Variants in TAFA1 observed in about 807,000 individuals in gnomAD.
The protein encoded by TAFA1 is TAFA chemokine like family member 1.
Under a neutral mutation model 18.5 loss-of-function variants are expected in TAFA1, and 4 were observed. That is an observed-to-expected ratio of 0.22 (90% confidence interval 0.11 to 0.49). The LOEUF is 0.49. TAFA1 is among the 20% of genes least tolerant of loss of function. The probability of loss-of-function intolerance (pLI) is 0.98; values close to 1 mark genes in which losing one functional copy is unlikely to be tolerated. For synonymous variants in TAFA1, 56 were observed against 55.2 expected (o/e 1.01, Z -0.06); for missense variants, 147 against 169.0 (o/e 0.87, Z 0.72).
chr3:68,437,564 G>T (rs553223934), intron 3 of TAFA1, among the ~76,000 whole-genome samples: 1 of 151,990 alleles, frequency 6.6e-6, no homozygotes, highest in Admixed American at 6.6e-5. Flanking sequence ...GCAAGGGGAC[G>T]GAATATGCCA....
intron 2 of TAFA1, among the ~76,000 whole-genome samples, chr3:68,098,592 A>T (rs2065113791): frequency 6.6e-6 from 1 of 152,050 alleles, no homozygotes; most frequent in African/African-American, 2.4e-5. Context: ...GAGGAGCAAA[A>T]GATAGGGTGG....
At chr3:68,074,472 G>T (rs560350174) in intron 2 of TAFA1, among the ~76,000 whole-genome samples, 94 of 152,110 alleles carry the variant, frequency 6.2e-4, no homozygotes, top group African/African-American at 2.0e-3. Context: ...CTATGACCTT[G>T]GGCAAATATT....
intron 2 of TAFA1, among the ~76,000 whole-genome samples, chr3:68,252,682 A>G (rs529700143): frequency 1.3e-5 from 2 of 152,184 alleles, no homozygotes; most frequent in Non-Finnish European, 1.5e-5. Context: ...CTGGGTACCA[A>G]TTCTGGCTCT....
intron 2 of TAFA1, among the ~76,000 whole-genome samples, chr3:68,382,601 A>G: frequency 6.6e-6 from 1 of 152,070 alleles, no homozygotes; most frequent in East Asian, 1.9e-4. Flanking sequence ...TAGTAGTACC[A>G]TGCTGTTTTG....
At chr3:68,083,257 C>A (rs901215806) in intron 2 of TAFA1, among the ~76,000 whole-genome samples, 4 of 152,182 alleles carry the variant, frequency 2.6e-5, no homozygotes, top group African/African-American at 9.7e-5. Context: ...ATCATCTGCA[C>A]CAAACCTTCA....
intron 2 of TAFA1, among the ~76,000 whole-genome samples, chr3:68,069,065 C>A (rs1202428045): frequency 1.3e-5 from 2 of 152,176 alleles, no homozygotes; most frequent in African/African-American, 2.4e-5. Flanking sequence ...GTTTTTAATA[C>A]ATATGCTGGA....
intron 3 of TAFA1, among the ~76,000 whole-genome samples, chr3:68,523,082 AT>A (rs67815959): frequency 0.49 from 74,109 of 149,866 alleles, 18,627 homozygotes; most frequent in Admixed American, 0.56. Context: ...GTCTCAAAAA[AT>A]AAATAAATAA....
intron 2 of TAFA1, among the ~76,000 whole-genome samples, chr3:68,180,012 T>TTTTTTATTATTATTATTATTA (rs1553649124): frequency 1.6e-4 from 22 of 140,318 alleles, no homozygotes; most frequent in African/African-American, 4.5e-4. Context: ...AACACATAAT[T>TTTTTTATTATTATTATTATTA]TTATTATTAT....
chr3:68,079,771 GA>G (rs1346759572), intron 2 of TAFA1, among the ~76,000 whole-genome samples: 2 of 152,062 alleles, frequency 1.3e-5, no homozygotes, highest in African/African-American at 2.4e-5. Context: ...GTGTGGTGCT[GA>G]AAAAAATGTA....
intron 2 of TAFA1, among the ~76,000 whole-genome samples, chr3:68,336,773 G>A (rs978677482): frequency 2.6e-5 from 4 of 152,112 alleles, no homozygotes; most frequent in African/African-American, 9.7e-5. Context: ...CACCAGGCTG[G>A]AGTGCTGTGG....
At chr3:68,434,918 C>A (rs1330562383) in intron 3 of TAFA1, among the ~76,000 whole-genome samples, 1 of 152,086 alleles carries the variant, frequency 6.6e-6, no homozygotes, top group Non-Finnish European at 1.5e-5. Flanking sequence ...ATTCATTCTG[C>A]AAATACTTAC....
At chr3:68,164,138 A>G (rs1422946715) in intron 2 of TAFA1, among the ~76,000 whole-genome samples, 1 of 152,124 alleles carries the variant, frequency 6.6e-6, no homozygotes, top group East Asian at 1.9e-4. Context: ...ATAATATCCC[A>G]TTGCCATTCT....
At chr3:68,266,698 A>C (rs1216151772) in intron 2 of TAFA1, among the ~76,000 whole-genome samples, 1 of 152,148 alleles carries the variant, frequency 6.6e-6, no homozygotes, top group Non-Finnish European at 1.5e-5. Flanking sequence ...AGAGCAGAGG[A>C]AGACACAGTT....
intron 2 of TAFA1, among the ~76,000 whole-genome samples, chr3:68,416,197 C>A (rs7637460): frequency 0.015 from 2,267 of 152,254 alleles, 66 homozygotes; most frequent in South Asian, 0.048. Flanking sequence ...TCTCAGAGGA[C>A]AGGATGAAAG....
intron 2 of TAFA1, among the ~76,000 whole-genome samples, chr3:68,097,680 G>A (rs991802784): frequency 6.6e-6 from 1 of 152,080 alleles, no homozygotes; most frequent in African/African-American, 2.4e-5. Flanking sequence ...TGTCTATCTT[G>A]TTCACTGCTA....
the TAFA1 span, among the ~76,000 whole-genome samples, chr3:67,995,605 A>G: frequency 6.6e-6 from 1 of 152,174 alleles, no homozygotes; most frequent in African/African-American, 2.4e-5. Context: ...TCTCCATTAC[A>G]CTATGACAAA....
intron 2 of TAFA1, among the ~76,000 whole-genome samples, chr3:68,382,758 T>C (rs1007081585): frequency 1.3e-5 from 2 of 152,146 alleles, no homozygotes; most frequent in African/African-American, 4.8e-5. Context: ...TCATTGGTAG[T>C]TTAATAGAAA....
Position 68,270,946 on chromosome 3 carries a change from T to C in TAFA1, c.119-146334T>C, listed in dbSNP as rs956654176. On this transcript the variant is annotated intron_variant, in intron 2 of 4. Transcript: ENST00000478136. The stretch of plus-strand genomic sequence containing the variant: ...TCCATTGAAGACTTCTTAAAAACAT[T>C]GATTTTCCGTCCATGTTAATCAAGA... Among the ~76,000 whole-genome samples the C allele has an allele frequency of 2.0e-5, 3 of 152,294 alleles. No homozygotes were observed. In the East Asian group the frequency reaches 5.8e-4, roughly 29 times the overall value.
chr3:68,274,662 G>T (rs1233571967), intron 2 of TAFA1, among the ~76,000 whole-genome samples: 2 of 152,164 alleles, frequency 1.3e-5, no homozygotes, highest in African/African-American at 4.8e-5. Context: ...AAATCATCAA[G>T]ATTTCACAAA....
Sources: gnomAD v4.1 joint callset for allele counts (sites outside exome capture counted in the v4.1 genomes callset) on GRCh38, gnomAD v4.1.1 for gene constraint, MANE v1.5 for transcripts, NCBI Gene and HGNC (gene_info 2026-07-23, HGNC 2026-07-21) for gene names.